UMODL1: variants seen among roughly 807,000 people sequenced by gnomAD.
UMODL1 encodes uromodulin-like 1.
Under a neutral mutation model 136.3 loss-of-function variants are expected in UMODL1, and 128 were observed. That is an observed-to-expected ratio of 0.94 (90% CI 0.81 to 1.09). The LOEUF (loss-of-function observed/expected upper bound fraction) is 1.09, where lower values mean the gene tolerates loss of function less well. UMODL1 is among the 50% of genes least tolerant of loss of function. UMODL1 has a pLI of 0.00. For missense variants in UMODL1, 1,766 were observed against 1,725.6 expected, an observed-to-expected ratio of 1.02 and a Z score of -0.41; for synonymous variants, 721 against 720.0, an observed-to-expected ratio of 1.00 and a Z score of -0.02.
chr21:42,097,914 GA>G (rs1483484030), intron 6 of UMODL1, among the ~76,000 whole-genome samples: 1 of 152,168 alleles, frequency 6.6e-6, no homozygotes, highest in African/African-American at 2.4e-5. Context: ...ATTTCAATAG[GA>G]AAGCATAAAA....
rs112513191 is a variant in UMODL1 at position 42,078,647 on chromosome 21, G to C, written c.319+2400G>C. ...CCTCCATCACCAACAGAAACCAGGCGGGGCCAGCTGACCCCAGAGCAACAC... is the reference window on the plus strand; with the variant it reads ...CCTCCATCACCAACAGAAACCAGGCCGGGCCAGCTGACCCCAGAGCAACAC... On this transcript the variant is annotated intron_variant, in intron 2 of 22. Coordinates refer to ENST00000408910, the MANE Select transcript of UMODL1 (RefSeq NM_001004416.3). Among the ~76,000 whole-genome samples, 227 of 65,854 alleles carry C rather than the reference G, an allele frequency of 3.4e-3. 1 individual carries two copies. Among genetic ancestry groups the C allele is most frequent in the Non-Finnish European group, 4.1e-3 (136 of 33,186 alleles). The allele number at this position is 65,854 out of a possible 152,430, so 43.2% of individuals were successfully genotyped here.
intron 1 of UMODL1, among the ~76,000 whole-genome samples, chr21:42,073,424 C>A (rs1477455439): frequency 1.3e-5 from 2 of 152,226 alleles, no homozygotes; most frequent in Non-Finnish European, 2.9e-5. Flanking sequence ...ACAGTAACTA[C>A]CCCACTGGTG....
chr21:42,073,276 C>T (rs1024649755), intron 1 of UMODL1, among the ~76,000 whole-genome samples: 1 of 152,206 alleles, frequency 6.6e-6, no homozygotes, highest in Non-Finnish European at 1.5e-5. Context: ...AGTAGGTGAG[C>T]GCGTTCCTTC....
At chr21:42,079,229 C>A (rs1272165623) in intron 2 of UMODL1, among the ~76,000 whole-genome samples, 20 of 152,214 alleles carry the variant, frequency 1.3e-4, no homozygotes, top group Admixed American at 1.3e-3. Context: ...TGTAAGAGAC[C>A]CTGGCCTGCT....
At position 42,084,213 on chromosome 21, in the gene UMODL1, G is replaced by C. The variant is rs762662759; in HGVS notation, c.449G>C (p.Gly150Ala). 1.8e-5 allele frequency: 29 copies of C among 1,613,788 alleles called. 1 individual carries two copies. The Middle Eastern group carries it at 8.2e-4, about 46-fold the overall frequency. ...PGLEKCCPWSGGRYCMAPAPQ... is the reference protein window; with the variant it reads ...PGLEKCCPWSAGRYCMAPAPQ... ...CTTGAGAAGTGCTGCCCCTGGTCAG[G>C]GGGGCGCTACTGCATGGCCCCTGCA... Residue 150 changes from glycine to alanine, a missense_variant, in exon 3 of 23, where the codon GGG becomes GCG. Transcript: ENST00000408910.
chr21:42,108,371 C>T (rs773754718), intron 9 of UMODL1: 1 of 520,476 alleles, frequency 1.9e-6, no homozygotes, highest in Non-Finnish European at 3.9e-6. Flanking sequence ...GGCAAGGCAG[C>T]CCCCAGGCCA....
At chr21:42,134,646 G>A (rs1192399604) in intron 21 of UMODL1, among the ~76,000 whole-genome samples, 2 of 151,802 alleles carry the variant, frequency 1.3e-5, no homozygotes, top group Admixed American at 6.6e-5. Context: ...ACAGAGTCTC[G>A]CTCTGTTGCC....
intron 6 of UMODL1, among the ~76,000 whole-genome samples, chr21:42,096,106 TA>T (rs1485992697): frequency 1.3e-5 from 2 of 151,944 alleles, no homozygotes; most frequent in Admixed American, 6.6e-5. Flanking sequence ...GAAGCTCAAT[TA>T]AAAAAAATTG....
chr21:42,137,635 C>G lies in UMODL1; in HGVS notation c.*15C>G. 9.2e-7 allele frequency: 1 copy of G among 1,087,014 alleles called. No individual in the cohort carries two copies. Among genetic ancestry groups the G allele is most frequent in the South Asian group, 2.1e-5 (1 of 46,776 alleles). 67.3% of individuals were successfully genotyped at this position (1,087,014 alleles called of 1,614,324 possible). ...TCTACGAATAGGAGGCGCAGGCTGACAGGAAGGTGGGTGCGGAGTGGGGTG... is the reference window on the plus strand; with the variant it reads ...TCTACGAATAGGAGGCGCAGGCTGAGAGGAAGGTGGGTGCGGAGTGGGGTG... On this transcript the variant is annotated 3_prime_UTR_variant, in exon 22 of 23. Coordinates refer to ENST00000408910, the MANE Select transcript of UMODL1 (RefSeq NM_001004416.3).
rs1298754167 is a variant in UMODL1 at position 42,123,995 on chromosome 21, GGC to G, written c.3147+846_3147+847del. ...ACCTCTGTGTGCACAGATGGGCTCT[GGC>G]ACCTCCCCTTGCAGGTGACTCTGGG... On this transcript the variant is annotated intron_variant, in intron 17 of 22. Transcript: ENST00000408910. The surrounding 1 kb of genome is among the most constrained non-coding windows in gnomAD (Gnocchi z 4.4). Among the ~76,000 whole-genome samples, 1 of 152,186 alleles carries G rather than the reference GGC, an allele frequency of 6.6e-6. No individual in the cohort carries two copies. Among genetic ancestry groups the G allele is most frequent in the African/African-American group, 2.4e-5 (1 of 41,420 alleles).
intron 2 of UMODL1, among the ~76,000 whole-genome samples, chr21:42,082,363 C>G (rs578164722): frequency 2.0e-5 from 3 of 152,204 alleles, no homozygotes; most frequent in African/African-American, 4.8e-5. Context: ...TCCCCACCCT[C>G]GCGGGGGTGA....
intron 6 of UMODL1, among the ~76,000 whole-genome samples, chr21:42,095,473 T>C (rs541250261): frequency 9.4e-6 from 1 of 106,802 alleles, no homozygotes; most frequent in South Asian, 3.8e-4. Context: ...TGTGTGTGTG[T>C]GTGTCTGTGT....
chr21:42,081,847 C>G (rs1271112286), intron 2 of UMODL1, among the ~76,000 whole-genome samples: 2 of 152,114 alleles, frequency 1.3e-5, no homozygotes, highest in Non-Finnish European at 2.9e-5. Flanking sequence ...TCCCAGGAGC[C>G]CACCTTCCAT....
intron 19 of UMODL1, among the ~76,000 whole-genome samples, 196 bp from the exon 20 acceptor site, chr21:42,127,476 G>A (rs1649000579): frequency 6.6e-6 from 1 of 152,214 alleles, no homozygotes; most frequent in Admixed American, 6.5e-5. Flanking sequence ...GGCCAGCTCT[G>A]GGCTCTGCAG....
In UMODL1 at chr21:42,142,287, C is replaced by A. The variant is rs1212561428; in HGVS notation, c.*213C>A. On this transcript the variant is annotated 3_prime_UTR_variant, in exon 23 of 23. Transcript: ENST00000408910. The stretch of plus-strand genomic sequence containing the variant: ...CAGAAAGGAAGACAGCAGCCACCGT[C>A]TGTCCCGAAGAGGCAGGCCGTCCTG... 6.6e-6 allele frequency: 1 copy of A among 152,364 alleles called. No homozygotes were observed. Among genetic ancestry groups the A allele is most frequent in the Admixed American group, 6.5e-5 (1 of 15,286 alleles). The allele number at this position is 152,364 out of a possible 1,614,324, so 9.4% of individuals were successfully genotyped here. A position where few individuals can be genotyped will look rare whatever the true frequency, so the allele number is the denominator to read the frequency against.
chr21:42,110,373 G>C (rs1340385041), intron 10 of UMODL1, among the ~76,000 whole-genome samples: 1 of 152,246 alleles, frequency 6.6e-6, no homozygotes, highest in Non-Finnish European at 1.5e-5. Context: ...AGGAGCAGCC[G>C]AGACCAGTTC....
chr21:42,111,415 G>T (rs770906896), intron 11 of UMODL1, 91 bp from the exon 12 acceptor site: 1 of 1,613,558 alleles, frequency 6.2e-7, no homozygotes, highest in African/African-American at 1.3e-5. Context: ...CTATCGGGGT[G>T]ATAGGCACCA....
At chr21:42,088,589 G>A in intron 5 of UMODL1, 109 bp downstream of exon 5, 1 of 1,182,230 alleles carries the variant, frequency 8.5e-7, no homozygotes, top group Non-Finnish European at 1.2e-6. Flanking sequence ...TTTTAAAGGA[G>A]GTTTAAGTTC....
In UMODL1 at chr21:42,076,000, T is replaced by A. The variant is rs775436971; in HGVS notation, c.77-5T>A. 3 of 1,612,548 alleles carry A rather than the reference T, an allele frequency of 1.9e-6. No individual in the cohort carries two copies. The highest frequency in any genetic ancestry group is 2.5e-6 in the Non-Finnish European group (3 of 1,178,662). On this transcript the variant is annotated splice_region_variant and splice_polypyrimidine_tract_variant and intron_variant, in intron 1 of 22. Coordinates refer to ENST00000408910, the MANE Select transcript of UMODL1 (RefSeq NM_001004416.3). Reference sequence around the variant, plus strand: ...TCAGTCGCCTTCTTGCTTGGCCTCTTTCAGAAAAAGGCCTCTCCCTGTTGG... The same window carrying A: ...TCAGTCGCCTTCTTGCTTGGCCTCTATCAGAAAAAGGCCTCTCCCTGTTGG...
Sources: gnomAD v4.1 joint callset for allele counts (sites outside exome capture counted in the v4.1 genomes callset) on GRCh38, gnomAD v4.1.1 for gene constraint, Gnocchi (gnomAD v3.1) non-coding constraint, MANE v1.5 for transcripts, NCBI Gene and HGNC (gene_info 2026-07-23, HGNC 2026-07-21) for gene names.